KRTDAP: variants seen among roughly 807,000 people sequenced by gnomAD.
The protein encoded by KRTDAP is keratinocyte differentiation-associated protein.
In KRTDAP, 14 loss-of-function variants were observed where a neutral mutation model predicts 18.6. The ratio of observed to expected loss-of-function variants is 0.75; its 90% CI spans 0.50 to 1.18. KRTDAP has a LOEUF of 1.18. Among genes scored for constraint, KRTDAP ranks in the 50% most tolerant of loss-of-function variants. The pLI is 0.00. For missense variants in KRTDAP, 114 were observed against 121.3 expected (o/e 0.94, Z 0.28); for synonymous variants, 53 against 49.5 (o/e 1.07, Z -0.29).
chr19:35,490,392 G>A lies in KRTDAP; in HGVS notation c.51C>T (p.Leu17=). Residue 17 remains leucine (L), a synonymous_variant, in exon 1 of 6, where the codon CTC becomes CTT. Transcript: ENST00000338897. ...CCAGGGTGGCTCCCTGGGCAGAGTGGAGCACCAGGAGGGAGAGGAGCACCA... is the reference window on the plus strand; with the variant it reads ...CCAGGGTGGCTCCCTGGGCAGAGTGAAGCACCAGGAGGGAGAGGAGCACCA... ...PAVVLLSLLV[L]HSAQGATLGG... 1 of 1,613,764 alleles carries A rather than the reference G, an allele frequency of 6.2e-7. No individual in the cohort carries two copies. Among genetic ancestry groups the A allele is most frequent in the Non-Finnish European group, 8.5e-7 (1 of 1,179,788 alleles).
intron 1 of KRTDAP, 81 bp downstream of exon 1, chr19:35,490,275 C>T: frequency 3.6e-6 from 3 of 844,794 alleles, no homozygotes; most frequent in South Asian, 4.2e-5. Flanking sequence ...AGCCACTTAT[C>T]CAGGAATGGA....
rs757385961 is a variant in KRTDAP at position 35,487,468 on chromosome 19, TA to T, written c.262-3del. ...AGTTGCGCTCCTCAGTCCTTTCAGC[TA>T]GAGGGAGAGGGGTCAGGGTTAGATG... On this transcript the variant is annotated splice_polypyrimidine_tract_variant and splice_region_variant and intron_variant, in intron 5 of 5. Coordinates refer to ENST00000338897, the MANE Select transcript of KRTDAP (RefSeq NM_207392.3). The T allele has an allele frequency of 3.1e-6, 5 of 1,613,894 alleles. No individual in the cohort carries two copies. In the South Asian group the frequency reaches 4.4e-5, roughly 14 times the overall value.
chr19:35,487,702 C>T lies in KRTDAP; in HGVS notation c.261+10G>A, dbSNP rs756557591. 4 of 1,609,918 alleles carry T rather than the reference C, an allele frequency of 2.5e-6. No individual in the cohort carries two copies. Among genetic ancestry groups the T allele is most frequent in the Non-Finnish European group, 3.4e-6 (4 of 1,176,184 alleles). Reference sequence around the variant, plus strand: ...AAGCTCCATACCCTCCTAATGCCCACACCTCTTACCTTAGGAAAGGCATCC... The same window carrying T: ...AAGCTCCATACCCTCCTAATGCCCATACCTCTTACCTTAGGAAAGGCATCC... On this transcript the variant is annotated intron_variant, in intron 5 of 5. Coordinates refer to ENST00000338897, the MANE Select transcript of KRTDAP (RefSeq NM_207392.3).
In KRTDAP at chr19:35,487,474, G is replaced by A. The variant is rs1434726775; in HGVS notation, c.262-8C>T. 6.2e-7 allele frequency: 1 copy of A among 1,613,778 alleles called. No homozygotes were observed. Among genetic ancestry groups the A allele is most frequent in the Non-Finnish European group, 8.5e-7 (1 of 1,179,652 alleles). On this transcript the variant is annotated splice_region_variant and splice_polypyrimidine_tract_variant and intron_variant, in intron 5 of 5. Coordinates refer to ENST00000338897, the MANE Select transcript of KRTDAP (RefSeq NM_207392.3). Reference sequence around the variant, plus strand: ...GCTCCTCAGTCCTTTCAGCTAGAGGGAGAGGGGTCAGGGTTAGATGGGGAA... The same window carrying A: ...GCTCCTCAGTCCTTTCAGCTAGAGGAAGAGGGGTCAGGGTTAGATGGGGAA...
Position 35,487,750 on chromosome 19 carries a change from T to A in KRTDAP, c.223A>T (p.Arg75Trp). The A allele has an allele frequency of 6.2e-7, 1 of 1,613,166 alleles. No individual in the cohort carries two copies. Among genetic ancestry groups the A allele is most frequent in the Non-Finnish European group, 8.5e-7 (1 of 1,179,124 alleles). The change falls in exon 5 of 6, where the codon AGG becomes TGG. Residue 75 changes from arginine to tryptophan, a missense_variant. Arg to Trp is a moderately radical substitution (Grantham distance 101, BLOSUM62 -3). Coordinates refer to ENST00000338897, the MANE Select transcript of KRTDAP (RefSeq NM_207392.3). Reference protein sequence around the residue: ...NWHALFESIKRKLPFLNWDAF... With the variant: ...NWHALFESIKWKLPFLNWDAF... Reference sequence around the variant, plus strand: ...TCCCAGTTGAGGAAAGGAAGTTTCCTTTTGATAGACTAAAAGAAAGAAAGA... The same window carrying A: ...TCCCAGTTGAGGAAAGGAAGTTTCCATTTGATAGACTAAAAGAAAGAAAGA...
chr19:35,488,866 G>C (rs376088380), intron 1 of KRTDAP, 26 bp from the exon 2 acceptor site: 1 of 1,612,280 alleles, frequency 6.2e-7, no homozygotes, highest in Non-Finnish European at 8.5e-7. Context: ...GAGAAAAGGC[G>C]GCAGGGGGTC....
At position 35,487,339 on chromosome 19, in the gene KRTDAP, G is replaced by A. The variant is rs575558277; in HGVS notation, c.*89C>T. 4.8e-6 allele frequency: 6 copies of A among 1,251,518 alleles called. No individual in the cohort carries two copies. The highest frequency in any genetic ancestry group is 7.1e-6 in the Non-Finnish European group (6 of 849,018). 77.5% of individuals were successfully genotyped at this position (1,251,518 alleles called of 1,614,324 possible). A position where few individuals can be genotyped will look rare whatever the true frequency, so the allele number is the denominator to read the frequency against. ...ATACAGGAGCTGTTGGATGGAAAAT[G>A]TTTTATTGGAGTTCCTGAGGCAGGA... On this transcript the variant is annotated 3_prime_UTR_variant, in exon 6 of 6. Coordinates refer to ENST00000338897, the MANE Select transcript of KRTDAP (RefSeq NM_207392.3).
intron 4 of KRTDAP, 47 bp downstream of exon 4, chr19:35,488,394 G>T (rs755368068): frequency 6.3e-7 from 1 of 1,598,370 alleles, no homozygotes; most frequent in Admixed American, 1.7e-5. Flanking sequence ...ACTACCCTGG[G>T]ATGACTGCAG....
At chr19:35,487,571 T>A (rs2067498118) in intron 5 of KRTDAP, 105 bp from the exon 6 acceptor site, 3 of 1,204,462 alleles carry the variant, frequency 2.5e-6, no homozygotes, top group Non-Finnish European at 3.7e-6. Flanking sequence ...CCCGTTCTCC[T>A]CTATATGTAG....
Position 35,490,337 on chromosome 19 carries a change from A to G in KRTDAP, c.87+19T>C. 1 of 1,539,184 alleles carries G rather than the reference A, an allele frequency of 6.5e-7. No homozygotes were observed. Among genetic ancestry groups the G allele is most frequent in the Non-Finnish European group, 8.9e-7 (1 of 1,125,192 alleles). On this transcript the variant is annotated intron_variant, in intron 1 of 5. Transcript: ENST00000338897. ...GTGGGTAACACGTATAAGAATAAAA[A>G]TGCAGGTGACGTGCTCACCTCAGGA...
Position 35,487,486 on chromosome 19 carries a change from G to T in KRTDAP, c.262-20C>A. ...TTTCAGCTAGAGGGAGAGGGGTCAG[G>T]GTTAGATGGGGAACCCGTGGGTGCC... On this transcript the variant is annotated intron_variant, in intron 5 of 5. Transcript: ENST00000338897. 5 of 1,611,324 alleles carry T rather than the reference G, an allele frequency of 3.1e-6. No homozygotes were observed. The highest frequency in any genetic ancestry group is 4.2e-6 in the Non-Finnish European group (5 of 1,177,474).
At chr19:35,487,800 C>T (rs1238527507) in intron 4 of KRTDAP, 41 bp from the exon 5 acceptor site, 2 of 1,437,438 alleles carry the variant, frequency 1.4e-6, no homozygotes, top group Non-Finnish European at 2.0e-6. Context: ...TGTTGCAGGT[C>T]AGCCGGGCAT....
Position 35,489,149 on chromosome 19 carries a change from G to T in KRTDAP, c.88-309C>A, listed in dbSNP as rs141592534. The stretch of plus-strand genomic sequence containing the variant: ...TGCAGTTGACTTAAGTCTAAGAGGT[G>T]GGGTGTTCTGGAGACACCCACGCTC... On this transcript the variant is annotated intron_variant, in intron 1 of 5. Coordinates refer to ENST00000338897, the MANE Select transcript of KRTDAP (RefSeq NM_207392.3). Among the ~76,000 whole-genome samples, 116 of 152,340 alleles carry T rather than the reference G, an allele frequency of 7.6e-4. 3 individuals carry two copies. In the South Asian group the frequency reaches 0.021, roughly 28 times the overall value.
intron 4 of KRTDAP, 118 bp downstream of exon 4, chr19:35,488,323 C>G (rs989562960): frequency 1.9e-6 from 2 of 1,029,500 alleles, no homozygotes; most frequent in Middle Eastern, 2.0e-4. Flanking sequence ...CCAGGCAGGA[C>G]AGTCACTCCC....
intron 1 of KRTDAP, 145 bp downstream of exon 1, chr19:35,490,211 C>T: frequency 1.8e-6 from 1 of 545,410 alleles, no homozygotes; most frequent in Non-Finnish European, 3.3e-6. Flanking sequence ...CTGTTCCCTC[C>T]TCCCTTCCTC....
Position 35,487,440 on chromosome 19 carries a change from A to G in KRTDAP, c.288T>C (p.Pro96=). The G allele has an allele frequency of 6.2e-7, 1 of 1,614,152 alleles. No individual in the cohort carries two copies. Among genetic ancestry groups the G allele is most frequent in the South Asian group, 1.1e-5 (1 of 91,084 alleles). The change falls in exon 6 of 6, where the codon CCT becomes CCC. Residue 96 remains proline, a synonymous_variant. Transcript: ENST00000338897. ...GTGGAGGTCATGGTCACTGGGCATC[A>G]GGAGTTGCGCTCCTCAGTCCTTTCA... ...PKLKGLRSAT[P]DAQ is the part of the protein sequence containing the mutation.
chr19:35,487,667 C>T (rs752980507), intron 5 of KRTDAP, 45 bp downstream of exon 5: 1 of 1,526,072 alleles, frequency 6.6e-7, no homozygotes, highest in Non-Finnish European at 9.1e-7. Flanking sequence ...CTGCTTCTTC[C>T]CTTACCCCCA....
At position 35,487,345 on chromosome 19, in the gene KRTDAP, T is replaced by C. The variant is rs1254754565; in HGVS notation, c.*83A>G. On this transcript the variant is annotated 3_prime_UTR_variant, in exon 6 of 6. Coordinates refer to ENST00000338897, the MANE Select transcript of KRTDAP (RefSeq NM_207392.3). ...GAGCTGTTGGATGGAAAATGTTTTA[T>C]TGGAGTTCCTGAGGCAGGAAAGAGT... 6 of 1,301,274 alleles carry C rather than the reference T, an allele frequency of 4.6e-6. No individual in the cohort carries two copies. Among genetic ancestry groups the C allele is most frequent in the South Asian group, 1.2e-5 (1 of 84,916 alleles). The allele number at this position is 1,301,274 out of a possible 1,614,324, so 80.6% of individuals were successfully genotyped here.
At chr19:35,487,500 C>T in intron 5 of KRTDAP, 34 bp from the exon 6 acceptor site, 1 of 1,586,242 alleles carries the variant, frequency 6.3e-7, no homozygotes, top group Non-Finnish European at 8.7e-7. Flanking sequence ...AGATGGGGAA[C>T]CCGTGGGTGC....
Sources: allele counts gnomAD v4.1 joint callset (sites outside exome capture counted in the v4.1 genomes callset), GRCh38; gene constraint gnomAD v4.1.1; transcripts MANE v1.5; gene names NCBI Gene and HGNC (gene_info 2026-07-23, HGNC 2026-07-21).